Variants in AGBL4 observed in about 807,000 individuals in gnomAD.
The protein encoded by AGBL4 is cytosolic carboxypeptidase 6.
A neutral mutation model predicts 66.4 loss-of-function variants in AGBL4; 58 were observed. The ratio of observed to expected loss-of-function variants is 0.87; its 90% CI spans 0.71 to 1.09. The LOEUF is 1.09. Among genes scored for constraint, AGBL4 ranks in the 50% least tolerant of loss-of-function variants. The pLI, the probability that AGBL4 is intolerant of heterozygous loss-of-function variation, is 0.00. For missense variants in AGBL4, 579 were observed against 631.0 expected, an observed-to-expected ratio of 0.92 and a Z score of 0.88; for synonymous variants, 234 against 222.9, an observed-to-expected ratio of 1.05 and a Z score of -0.44.
chr1:49,755,504 C>T (rs1452843192), intron 2 of AGBL4, among the ~76,000 whole-genome samples: 1 of 152,166 alleles, frequency 6.6e-6, no homozygotes, highest in South Asian at 2.1e-4. Flanking sequence ...TTACAAAATA[C>T]TAAACTAACT....
chr1:49,132,924 A>G (rs1645929238), intron 4 of AGBL4, among the ~76,000 whole-genome samples: 1 of 152,222 alleles, frequency 6.6e-6, no homozygotes, highest in East Asian at 1.9e-4. Flanking sequence ...ATTCTACTAT[A>G]AAGACACATG....
intron 3 of AGBL4, among the ~76,000 whole-genome samples, chr1:49,586,237 T>C (rs1644644294): frequency 6.6e-6 from 1 of 152,200 alleles, no homozygotes; most frequent in South Asian, 2.1e-4. Flanking sequence ...GAGACAGGGT[T>C]GGTAAGGAAC....
chr1:50,012,669 C>T (rs1259188338), intron 1 of AGBL4, among the ~76,000 whole-genome samples: 7 of 152,106 alleles, frequency 4.6e-5, no homozygotes, highest in African/African-American at 1.7e-4. Context: ...CAGAGAATAC[C>T]TCAGTAGGAT....
At chr1:48,552,315 G>C (rs565163243) in intron 11 of AGBL4, among the ~76,000 whole-genome samples, 11 of 152,234 alleles carry the variant, frequency 7.2e-5, no homozygotes, top group African/African-American at 2.6e-4. Flanking sequence ...GCCTGCCTCA[G>C]CTTCCCAAAG....
chr1:48,784,401 C>T (rs1290183484), intron 6 of AGBL4, among the ~76,000 whole-genome samples: 1 of 152,158 alleles, frequency 6.6e-6, no homozygotes, highest in Non-Finnish European at 1.5e-5. Context: ...GAATGATTCC[C>T]GCCAAATGCT....
At chr1:49,542,488 T>C (rs1467799899) in intron 3 of AGBL4, among the ~76,000 whole-genome samples, 1 of 152,106 alleles carries the variant, frequency 6.6e-6, no homozygotes, top group Non-Finnish European at 1.5e-5. Flanking sequence ...GTAACACTCA[T>C]GGTGAGGGTC....
rs1030624920 is a variant in AGBL4 at position 49,614,068 on chromosome 1, T to C, written c.282+83245A>G. 2.6e-5 allele frequency among the ~76,000 whole-genome samples: 4 copies of C among 152,226 alleles called. No homozygotes were observed. The East Asian group carries it at 7.7e-4, about 29-fold the overall frequency. On this transcript the variant is annotated intron_variant, in intron 3 of 13. Coordinates refer to ENST00000371839, the MANE Select transcript of AGBL4 (RefSeq NM_032785.4). Reference sequence around the variant, plus strand: ...TGACAAACACATTTGGTAAAACTTGTATTAAAATACATCATATATGCATAA... The same window carrying C: ...TGACAAACACATTTGGTAAAACTTGCATTAAAATACATCATATATGCATAA...
At chr1:48,938,107 T>C (rs1655631930) in intron 5 of AGBL4, among the ~76,000 whole-genome samples, 1 of 152,224 alleles carries the variant, frequency 6.6e-6, no homozygotes, top group Admixed American at 6.5e-5. Flanking sequence ...ATGGTAGGCA[T>C]TCAAGAAGTA....
chr1:50,012,319 C>T (rs926151725), intron 1 of AGBL4, among the ~76,000 whole-genome samples: 3 of 151,618 alleles, frequency 2.0e-5, no homozygotes, highest in Non-Finnish European at 4.4e-5. Flanking sequence ...TCAATAATAA[C>T]TTAATTATAC....
intron 4 of AGBL4, among the ~76,000 whole-genome samples, chr1:49,049,935 T>G (rs761448265): frequency 3.9e-5 from 6 of 152,120 alleles, no homozygotes; most frequent in Non-Finnish European, 8.8e-5. Context: ...TTTTCTTTAT[T>G]CCTCTCAACA....
rs185878649 is a variant in AGBL4, at chr1:48,635,531, G to A, written c.840-927C>T. On this transcript the variant is annotated intron_variant, in intron 8 of 13. Coordinates refer to ENST00000371839, the MANE Select transcript of AGBL4 (RefSeq NM_032785.4). Reference sequence around the variant, plus strand: ...GTGAGTGTGGGATAATGCCCCCATGGTATGCAGAGGAGATATCACTGAGTT... The same window carrying A: ...GTGAGTGTGGGATAATGCCCCCATGATATGCAGAGGAGATATCACTGAGTT... Among the ~76,000 whole-genome samples, 511 of 152,312 alleles carry A rather than the reference G, an allele frequency of 3.4e-3. 8 individuals are homozygous for A. Among genetic ancestry groups the A allele is most frequent in the East Asian group, 6.0e-3 (31 of 5,186 alleles).
At chr1:48,671,804 A>C (rs1646281485) in intron 6 of AGBL4, among the ~76,000 whole-genome samples, 1 of 152,200 alleles carries the variant, frequency 6.6e-6, no homozygotes, top group Non-Finnish European at 1.5e-5. Context: ...GGCACACATG[A>C]TGTTCTCAGT....
intron 4 of AGBL4, among the ~76,000 whole-genome samples, chr1:49,136,834 C>T (rs1052023124): frequency 3.3e-5 from 5 of 152,120 alleles, no homozygotes; most frequent in South Asian, 2.1e-4. Context: ...CAGGAATTCC[C>T]ACTGCTGTTT....
intron 8 of AGBL4, among the ~76,000 whole-genome samples, chr1:48,638,978 C>T (rs1359728130): frequency 6.6e-6 from 1 of 152,132 alleles, no homozygotes; most frequent in Non-Finnish European, 1.5e-5. Context: ...CTAAAGGGCC[C>T]AGACTAGAAC....
intron 6 of AGBL4, among the ~76,000 whole-genome samples, chr1:48,816,214 C>A (rs1379443322): frequency 6.6e-6 from 1 of 152,066 alleles, no homozygotes; most frequent in African/African-American, 2.4e-5. Context: ...ATGCTTATGT[C>A]AGATTAGCAG....
intron 4 of AGBL4, among the ~76,000 whole-genome samples, chr1:49,061,558 C>T (rs1227991074): frequency 6.6e-6 from 1 of 152,126 alleles, no homozygotes; most frequent in African/African-American, 2.4e-5. Context: ...GAAAGGAAGT[C>T]CTACCTAATG....
At chr1:49,756,626 A>C (rs1339018794) in intron 2 of AGBL4, among the ~76,000 whole-genome samples, 1 of 152,206 alleles carries the variant, frequency 6.6e-6, no homozygotes, top group East Asian at 1.9e-4. Context: ...GGGATGGACC[A>C]GGTGGGCGGT....
chr1:49,568,524 A>ACACACACACACACAC, intron 3 of AGBL4, among the ~76,000 whole-genome samples: 1 of 49,930 alleles, frequency 2.0e-5, no homozygotes. Context: ...CACACACACA[A>ACACACACACACACAC]ATGCCATGCT....
rs144908710 is a variant in AGBL4 at position 49,199,099 on chromosome 1, G to A, written c.377+46671C>T. 5.1e-4 allele frequency among the ~76,000 whole-genome samples: 78 copies of A among 152,088 alleles called. 1 individual carries two copies. The highest frequency in any genetic ancestry group is 1.7e-3 in the African/African-American group (70 of 41,486). On this transcript the variant is annotated intron_variant, in intron 4 of 13. Coordinates refer to ENST00000371839, the MANE Select transcript of AGBL4 (RefSeq NM_032785.4). ...ATTTATTAAGTGCTTCCTATATGCC[G>A]GGACCAGTGTTAAATATCTGTCATC...
Sources: allele counts gnomAD v4.1 joint callset (sites outside exome capture counted in the v4.1 genomes callset), GRCh38; gene constraint gnomAD v4.1.1; transcripts MANE v1.5; gene names NCBI Gene and HGNC (gene_info 2026-07-23, HGNC 2026-07-21).